REDIC1: variants seen among roughly 807,000 people sequenced by gnomAD.
REDIC1 encodes regulator of DNA class I crossover intermediates 1, also known as HEI10 Interacting Protein 1.
the REDIC1 span, among the ~76,000 whole-genome samples, chr12:39,853,595 TTTTC>T: frequency 1.6e-4 from 24 of 151,638 alleles, no homozygotes; most frequent in Admixed American, 5.9e-4. Flanking sequence ...CCTTCCTTCC[TTTTC>T]TTTCTTTCTT....
the REDIC1 span, among the ~76,000 whole-genome samples, chr12:39,851,519 T>C: frequency 6.6e-6 from 1 of 152,222 alleles, no homozygotes; most frequent in Non-Finnish European, 1.5e-5. Context: ...ATGGCCCTAA[T>C]GTACAACACC....
chr12:39,677,183 A>G, the REDIC1 span, among the ~76,000 whole-genome samples: 120,343 of 152,054 alleles, frequency 0.79, 48,347 homozygotes, highest in Non-Finnish European at 0.86. Context: ...CCAAGTATCC[A>G]TTGTCTTCAA....
the REDIC1 span, among the ~76,000 whole-genome samples, chr12:39,765,633 C>G: frequency 6.6e-6 from 1 of 152,094 alleles, no homozygotes; most frequent in Non-Finnish European, 1.5e-5. Context: ...TCATAACATT[C>G]CACCTGTCTT....
the REDIC1 span, among the ~76,000 whole-genome samples, chr12:39,859,382 G>A: frequency 1.4e-5 from 2 of 140,606 alleles, no homozygotes; most frequent in African/African-American, 5.4e-5. Flanking sequence ...GTTCTTAATG[G>A]AAGATGTACT....
the REDIC1 span, among the ~76,000 whole-genome samples, chr12:39,806,238 GAA>G: frequency 2.6e-5 from 4 of 152,136 alleles, no homozygotes; most frequent in Non-Finnish European, 4.4e-5. Context: ...CTCTAATGCT[GAA>G]AGATCAGAAC....
At chr12:39,751,816 A>C in the REDIC1 span, among the ~76,000 whole-genome samples, 1 of 151,984 alleles carries the variant, frequency 6.6e-6, no homozygotes, top group African/African-American at 2.4e-5. Flanking sequence ...AAAACCAAAC[A>C]CCGCATGTTC....
At chr12:39,705,671 C>A in the REDIC1 span, among the ~76,000 whole-genome samples, 1 of 151,982 alleles carries the variant, frequency 6.6e-6, no homozygotes, top group Admixed American at 6.6e-5. Flanking sequence ...ACAAATCAAT[C>A]AGTGTGATAC....
chr12:39,895,803 C>T, the REDIC1 span, among the ~76,000 whole-genome samples: 2 of 78,196 alleles, frequency 2.6e-5, 1 homozygote, highest in African/African-American at 1.1e-4. Flanking sequence ...CATGTATATG[C>T]GTGTATACGT....
At chr12:39,695,270 A>T in the REDIC1 span, among the ~76,000 whole-genome samples, 1 of 152,204 alleles carries the variant, frequency 6.6e-6, no homozygotes, top group Non-Finnish European at 1.5e-5. Context: ...CAGCACAGTC[A>T]TGGGGGTAGA....
At chr12:39,755,441 T>C in the REDIC1 span, 1 of 152,084 alleles carries the variant, frequency 6.6e-6, no homozygotes, top group Admixed American at 6.6e-5. Flanking sequence ...TAAATAGAAA[T>C]TTGAATATTT....
the REDIC1 span, chr12:39,721,946 A>G: frequency 1.3e-5 from 2 of 152,134 alleles, no homozygotes. Flanking sequence ...TTTCATAAAT[A>G]TTATAACAAG....
chr12:39,757,016 A>AATG, the REDIC1 span: 2 of 151,780 alleles, frequency 1.3e-5, no homozygotes, highest in Non-Finnish European at 3.0e-5. Flanking sequence ...TGTTTTGGGA[A>AATG]ATGATTGACT....
the REDIC1 span, among the ~76,000 whole-genome samples, chr12:39,658,376 T>C: frequency 6.6e-6 from 1 of 152,212 alleles, no homozygotes; most frequent in Non-Finnish European, 1.5e-5. Context: ...TGAGACACCA[T>C]GCCCAGCCTG....
the REDIC1 span, among the ~76,000 whole-genome samples, chr12:39,797,886 AGGGGCTGT>A: frequency 6.6e-6 from 1 of 152,162 alleles, no homozygotes; most frequent in Admixed American, 6.5e-5. Context: ...GATCTTCATT[AGGGGCTGT>A]GGGAGTCAGC....
the REDIC1 span, among the ~76,000 whole-genome samples, chr12:39,814,977 CTTT>C: frequency 6.8e-6 from 1 of 146,490 alleles, no homozygotes; most frequent in East Asian, 2.0e-4. Flanking sequence ...TCTTCTTACA[CTTT>C]TTTTTTTTCA....
chr12:39,892,981 A>C, the REDIC1 span, among the ~76,000 whole-genome samples: 2 of 152,190 alleles, frequency 1.3e-5, no homozygotes, highest in Non-Finnish European at 2.9e-5. Context: ...ATAAAATTTA[A>C]AAAATTTTTT....
the REDIC1 span, among the ~76,000 whole-genome samples, chr12:39,671,208 A>G: frequency 9.2e-5 from 14 of 152,320 alleles, no homozygotes; most frequent in African/African-American, 3.1e-4. Flanking sequence ...TTTTTCCTAT[A>G]GGTGTATCCA....
At chr12:39,650,458 C>T in the REDIC1 span, 1 of 1,443,424 alleles carries the variant, frequency 6.9e-7, no homozygotes, top group East Asian at 2.6e-5. The surrounding 1 kb of genome is among the most constrained non-coding windows in gnomAD (Gnocchi z 4.3). Context: ...AAAATATAAA[C>T]AGTCCTAAGT....
the REDIC1 span, among the ~76,000 whole-genome samples, chr12:39,734,325 G>A: frequency 4.9e-3 from 743 of 152,306 alleles, 20 homozygotes; most frequent in Non-Finnish European, 1.4e-3. Context: ...ATCTCACTGG[G>A]AGTTGCAGTC....
Sources: gnomAD v4.1 joint callset for allele counts (sites outside exome capture counted in the v4.1 genomes callset) on GRCh38, gnomAD v4.1.1 for gene constraint, Gnocchi (gnomAD v3.1) non-coding constraint, MANE v1.5 for transcripts, NCBI Gene and HGNC (gene_info 2026-07-23, HGNC 2026-07-21) for gene names.